The following FOXP2 variants were observed in gnomAD, a reference collection of about 807,000 sequenced individuals.
The protein encoded by FOXP2 is forkhead box P2.
A neutral mutation model predicts 115.8 loss-of-function variants in FOXP2; 12 were observed. The ratio of observed to expected loss-of-function variants is 0.10; its 90% CI spans 0.07 to 0.17. The LOEUF (loss-of-function observed/expected upper bound fraction) is 0.17. Among genes scored for constraint, FOXP2 ranks in the 10% least tolerant of loss-of-function variants. The pLI is 1.00. For synonymous variants in FOXP2, 328 were observed against 297.7 expected (o/e 1.10, Z -1.05); for missense variants, 629 against 843.5 (o/e 0.75, Z 3.15).
At chr7:114,207,560 A>G (rs1794231430) in intron 1 of FOXP2, among the ~76,000 whole-genome samples, 1 of 152,194 alleles carries the variant, frequency 6.6e-6, no homozygotes. Flanking sequence ...TAATATTCAC[A>G]ATAATTTAGT....
chr7:114,656,281 T>C (rs1179093606), intron 10 of FOXP2, among the ~76,000 whole-genome samples: 3 of 152,042 alleles, frequency 2.0e-5, no homozygotes, highest in African/African-American at 7.3e-5. Context: ...TGGTTTGCAA[T>C]TCTAAAAGTG....
chr7:114,508,660 A>T (rs1429343431), intron 2 of FOXP2, among the ~76,000 whole-genome samples: 1 of 152,034 alleles, frequency 6.6e-6, no homozygotes, highest in Non-Finnish European at 1.5e-5. Context: ...TGAGCCATTA[A>T]AGAGATTTTT....
intron 1 of FOXP2, among the ~76,000 whole-genome samples, chr7:114,256,110 T>G (rs1379428712): frequency 6.6e-6 from 1 of 152,144 alleles, no homozygotes; most frequent in Non-Finnish European, 1.5e-5. Context: ...TAGTGTCTTT[T>G]TTTTTGTTTG....
chr7:114,599,730 A>C (rs1242779705), intron 3 of FOXP2, among the ~76,000 whole-genome samples: 1 of 152,018 alleles, frequency 6.6e-6, no homozygotes, highest in Admixed American at 6.6e-5. Context: ...AGTACTGGTT[A>C]TTTCTGTCTT....
At chr7:114,537,941 G>C (rs904115007) in intron 3 of FOXP2, among the ~76,000 whole-genome samples, 2 of 151,576 alleles carry the variant, frequency 1.3e-5, no homozygotes, top group Non-Finnish European at 3.0e-5. Context: ...TTCTTACTGT[G>C]TATACCAGAA....
intron 1 of FOXP2, among the ~76,000 whole-genome samples, chr7:114,099,340 T>C (rs1438046201): frequency 6.6e-6 from 1 of 152,184 alleles, no homozygotes; most frequent in Admixed American, 6.5e-5. Flanking sequence ...CTCACACCTG[T>C]TAGTATGGCT....
chr7:114,449,695 T>C (rs184161705), intron 2 of FOXP2, among the ~76,000 whole-genome samples: 1 of 152,202 alleles, frequency 6.6e-6, no homozygotes, highest in East Asian at 1.9e-4. Context: ...TATAAGTAAT[T>C]CACTTCAGCT....
chr7:114,210,216 G>A (rs1794309060), intron 1 of FOXP2, among the ~76,000 whole-genome samples: 1 of 152,130 alleles, frequency 6.6e-6, no homozygotes, highest in Admixed American at 6.5e-5. Context: ...AGGCACTCTG[G>A]CTTTTGAGTT....
At chr7:114,487,046 G>A (rs1796819411) in intron 2 of FOXP2, among the ~76,000 whole-genome samples, 1 of 152,176 alleles carries the variant, frequency 6.6e-6, no homozygotes, top group African/African-American at 2.4e-5. Flanking sequence ...GGGACTCTGT[G>A]TGAGGGCTCC....
upstream of FOXP2, among the ~76,000 whole-genome samples, chr7:114,160,122 A>T (rs1792790961): frequency 6.6e-6 from 1 of 152,170 alleles, no homozygotes; most frequent in Admixed American, 6.6e-5. Flanking sequence ...AAGTTATGGC[A>T]CAGAAAGGTG....
At chr7:114,619,130 C>T (rs1432137321) in intron 3 of FOXP2, among the ~76,000 whole-genome samples, 1 of 152,094 alleles carries the variant, frequency 6.6e-6, no homozygotes, top group Non-Finnish European at 1.5e-5. Flanking sequence ...CTTTTTGTTG[C>T]TGTCTGCATC....
chr7:114,364,393 C>T (rs1791827459), intron 2 of FOXP2, among the ~76,000 whole-genome samples: 1 of 152,056 alleles, frequency 6.6e-6, no homozygotes, highest in Admixed American at 6.6e-5. Flanking sequence ...CAGTTGGTGA[C>T]AAGGAGAACT....
chr7:114,202,140 T>G (rs1794083778), intron 1 of FOXP2, among the ~76,000 whole-genome samples: 1 of 152,220 alleles, frequency 6.6e-6, no homozygotes, highest in African/African-American at 2.4e-5. Flanking sequence ...AAGAAGTGTT[T>G]GGAAGGTTTG....
intron 3 of FOXP2, among the ~76,000 whole-genome samples, chr7:114,625,171 A>G (rs1020605864): frequency 2.6e-5 from 4 of 151,684 alleles, no homozygotes; most frequent in Non-Finnish European, 5.9e-5. Context: ...AGAGAGAAAA[A>G]AATCTCCCAA....
chr7:114,617,059 T>G (rs1347589591), intron 3 of FOXP2, among the ~76,000 whole-genome samples: 1 of 152,186 alleles, frequency 6.6e-6, no homozygotes, highest in Admixed American at 6.5e-5. Context: ...CACTCCAGCA[T>G]TAGCAACAGA....
intron 1 of FOXP2, among the ~76,000 whole-genome samples, chr7:114,258,684 GTATT>G (rs1164382390): frequency 6.6e-6 from 1 of 152,164 alleles, no homozygotes; most frequent in East Asian, 1.9e-4. Context: ...GCTTCTGACA[GTATT>G]TATTTGATAT....
chr7:114,661,977 TTAAGTAAGA>T, intron 13 of FOXP2, 79 bp from the exon 14 acceptor site: 1 of 1,519,342 alleles, frequency 6.6e-7, no homozygotes, highest in Non-Finnish European at 9.1e-7. Context: ...TTCACTCTGA[TTAAGTAAGA>T]TCAATAATGT....
At chr7:114,572,307 A>C (rs1338022128) in intron 3 of FOXP2, among the ~76,000 whole-genome samples, 2 of 151,616 alleles carry the variant, frequency 1.3e-5, no homozygotes, top group African/African-American at 4.8e-5. Context: ...CTGGCTTCAG[A>C]GAGACCTGAA....
chr7:114,128,639 G>A (rs1339689889), intron 1 of FOXP2, among the ~76,000 whole-genome samples: 1 of 151,984 alleles, frequency 6.6e-6, no homozygotes, highest in African/African-American at 2.4e-5. Context: ...GTAATTTTAT[G>A]ATTAAATATA....
Sources: gnomAD v4.1 joint callset for allele counts (sites outside exome capture counted in the v4.1 genomes callset) on GRCh38, gnomAD v4.1.1 for gene constraint, MANE v1.5 for transcripts, NCBI Gene and HGNC (gene_info 2026-07-23, HGNC 2026-07-21) for gene names.